GRM3: variants seen among roughly 807,000 people sequenced by gnomAD.
The protein encoded by GRM3 is glutamate metabotropic receptor 3.
In GRM3, 26 loss-of-function variants were observed where a neutral mutation model predicts 70.5. That is an observed-to-expected ratio of 0.37 (90% confidence interval 0.27 to 0.51). GRM3 has a LOEUF of 0.51. Among genes scored for constraint, GRM3 ranks in the 20% least tolerant of loss-of-function variants. The pLI is 0.93. For synonymous variants in GRM3, 443 were observed against 434.9 expected (o/e 1.02, Z -0.23); for missense variants, 859 against 1,123.8 (o/e 0.76, Z 3.37).
chr7:86,701,831 T>C (rs548989769), intron 1 of GRM3, among the ~76,000 whole-genome samples: 3 of 152,132 alleles, frequency 2.0e-5, no homozygotes, highest in South Asian at 2.1e-4. Context: ...ATTCATTTTA[T>C]GTAAAACTGA....
intron 2 of GRM3, among the ~76,000 whole-genome samples, chr7:86,773,463 T>G (rs1796797890): frequency 1.3e-5 from 2 of 152,036 alleles, no homozygotes; most frequent in Admixed American, 6.6e-5. Context: ...CAAGTTTTTA[T>G]CACTTTACAA....
Position 86,839,500 on chromosome 7 carries a change from G to A in GRM3, c.1986G>A (p.Lys662=), listed in dbSNP as rs1397420218. Residue 662 remains lysine (K), a synonymous_variant, in exon 4 of 6, where the codon AAG becomes AAA. Transcript: ENST00000361669. The surrounding 1 kb of genome is among the most constrained non-coding windows in gnomAD (Gnocchi z 4.5). ...TCTGTTACTCAGCCCTGCTGACCAA[G>A]ACAAACTGCATTGCCCGCATCTTCG... ...FAICYSALLT[K]TNCIARIFDG... The A allele has an allele frequency of 6.2e-7, 1 of 1,609,396 alleles. No homozygotes were observed. The highest frequency in any genetic ancestry group is 8.5e-7 in the Non-Finnish European group (1 of 1,177,278).
intron 1 of GRM3, among the ~76,000 whole-genome samples, chr7:86,724,302 A>G (rs1283274488): frequency 6.6e-6 from 1 of 152,144 alleles, no homozygotes; most frequent in Admixed American, 6.6e-5. Flanking sequence ...GGATTGTTCA[A>G]TAGGAGTGCC....
chr7:86,786,138 A>C lies in GRM3; in HGVS notation c.469-123A>C. 1 of 803,552 alleles carries C rather than the reference A, an allele frequency of 1.2e-6. No homozygotes were observed. Among genetic ancestry groups the C allele is most frequent in the Non-Finnish European group, 2.0e-6 (1 of 495,028 alleles). 49.8% of individuals were successfully genotyped at this position (803,552 alleles called of 1,614,324 possible). ...ATTCATCTCAAGAACTAACAGAAAA[A>C]TGTAGCCATCTAGAGTAGAGGGAAA... On this transcript the variant is annotated intron_variant, in intron 2 of 5. Coordinates refer to ENST00000361669, the MANE Select transcript of GRM3 (RefSeq NM_000840.3). This position sits in a 1 kb window ranked among gnomAD's most constrained non-coding sequence, Gnocchi z 6.0.
At chr7:86,675,328 T>C (rs1308307684) in intron 1 of GRM3, among the ~76,000 whole-genome samples, 1 of 152,102 alleles carries the variant, frequency 6.6e-6, no homozygotes, top group East Asian at 1.9e-4. Flanking sequence ...TGATAAGCTA[T>C]GCTTAAGTTA....
intron 5 of GRM3, among the ~76,000 whole-genome samples, chr7:86,857,724 G>A (rs879618914): frequency 6.6e-6 from 1 of 152,124 alleles, no homozygotes; most frequent in Non-Finnish European, 1.5e-5. Flanking sequence ...GAGCCTCAGG[G>A]TGAAAAAGTT....
In GRM3 at chr7:86,735,319, T is replaced by C. The variant is rs144498297; in HGVS notation, c.-140-29687T>C. Among the ~76,000 whole-genome samples the C allele has an allele frequency of 2.3e-3, 352 of 152,252 alleles. 3 individuals are homozygous for C. Among genetic ancestry groups the C allele is most frequent in the African/African-American group, 8.1e-3 (338 of 41,550 alleles). On this transcript the variant is annotated intron_variant, in intron 1 of 5. Coordinates refer to ENST00000361669, the MANE Select transcript of GRM3 (RefSeq NM_000840.3). ...CAAAACATTTGTTCTAGACCTCACATAGAATTTGTAAAATCAAGTAGAAAT... is the reference window on the plus strand; with the variant it reads ...CAAAACATTTGTTCTAGACCTCACACAGAATTTGTAAAATCAAGTAGAAAT...
In GRM3 at chr7:86,686,670, T is replaced by G. The variant is rs537742919; in HGVS notation, c.-141+41798T>G. On this transcript the variant is annotated intron_variant, in intron 1 of 5. Coordinates refer to ENST00000361669, the MANE Select transcript of GRM3 (RefSeq NM_000840.3). ...CAAGATAAAGCATTACTGCTATAGC[T>G]GACAAAAAACAAAACAAAACAAAAA... Among the ~76,000 whole-genome samples the G allele has an allele frequency of 2.9e-3, 437 of 152,220 alleles. 3 individuals carry two copies. Among genetic ancestry groups the G allele is most frequent in the Non-Finnish European group, 4.6e-3 (312 of 68,008 alleles).
intron 5 of GRM3, among the ~76,000 whole-genome samples, chr7:86,851,233 C>A (rs1798749707): frequency 6.6e-6 from 1 of 152,150 alleles, no homozygotes; most frequent in Non-Finnish European, 1.5e-5. Flanking sequence ...CCTCCTACTT[C>A]AATGACACAA....
chr7:86,853,823 C>T (rs1047862622), intron 5 of GRM3, among the ~76,000 whole-genome samples: 1 of 152,188 alleles, frequency 6.6e-6, no homozygotes, highest in Admixed American at 6.6e-5. Context: ...GGAATTCAGA[C>T]AGGGCTTGGT....
chr7:86,727,833 C>G (rs528264862), intron 1 of GRM3, among the ~76,000 whole-genome samples: 1 of 152,234 alleles, frequency 6.6e-6, no homozygotes, highest in African/African-American at 2.4e-5. Flanking sequence ...TTTACACAAA[C>G]TTGTAATGGA....
chr7:86,650,160 A>C (rs1202974473), intron 1 of GRM3, among the ~76,000 whole-genome samples: 1 of 152,144 alleles, frequency 6.6e-6, no homozygotes, highest in African/African-American at 2.4e-5. Context: ...TCTGCTATAC[A>C]AGAACTATAC....
At chr7:86,659,322 T>A (rs1395740194) in intron 1 of GRM3, among the ~76,000 whole-genome samples, 1 of 152,330 alleles carries the variant, frequency 6.6e-6, no homozygotes, top group East Asian at 1.9e-4. Flanking sequence ...AATGTTTACA[T>A]ATGCCAGGCA....
chr7:86,738,221 G>A (rs996177907), intron 1 of GRM3, among the ~76,000 whole-genome samples: 2 of 152,102 alleles, frequency 1.3e-5, no homozygotes, highest in Non-Finnish European at 2.9e-5. Context: ...TCCCCTCTTC[G>A]ACTAACTCCT....
intron 1 of GRM3, among the ~76,000 whole-genome samples, chr7:86,755,592 A>C (rs1796326308): frequency 6.6e-6 from 1 of 152,120 alleles, no homozygotes; most frequent in Non-Finnish European, 1.5e-5. Flanking sequence ...GGAAATATTT[A>C]AATATTTTAA....
At chr7:86,846,165 G>A (rs546205718) in intron 4 of GRM3, among the ~76,000 whole-genome samples, 7 of 152,174 alleles carry the variant, frequency 4.6e-5, no homozygotes, top group East Asian at 3.9e-4. Context: ...GTGAGTAAGC[G>A]CCCAAATACA....
chr7:86,778,065 T>A (rs1028241580), intron 2 of GRM3, among the ~76,000 whole-genome samples: 7 of 152,144 alleles, frequency 4.6e-5, no homozygotes, highest in African/African-American at 1.7e-4. Context: ...GACAAAGCAA[T>A]TAAAGGTGTA....
rs772660724 is a variant in GRM3, at chr7:86,765,623, G to A, written c.468+10G>A. 3 of 1,603,912 alleles carry A rather than the reference G, an allele frequency of 1.9e-6. No homozygotes were observed. Among genetic ancestry groups the A allele is most frequent in the Middle Eastern group, 1.7e-4 (1 of 5,998 alleles). ...CAGTGTTTCCATACAGGTAAGATTG[G>A]CTAATGCTATTGCTAAAAGGCTGTA... On this transcript the variant is annotated intron_variant, in intron 2 of 5. Coordinates refer to ENST00000361669, the MANE Select transcript of GRM3 (RefSeq NM_000840.3).
chr7:86,852,577 CTTGTTAATAAAATTA>C (rs1226218576), intron 5 of GRM3, among the ~76,000 whole-genome samples: 2 of 152,124 alleles, frequency 1.3e-5, no homozygotes, highest in Admixed American at 1.3e-4. Context: ...GTTGGAATGT[CTTGTTAATAAAATTA>C]TAAATAAACT....
Sources: gnomAD v4.1 joint callset for allele counts (sites outside exome capture counted in the v4.1 genomes callset) on GRCh38, gnomAD v4.1.1 for gene constraint, Gnocchi (gnomAD v3.1) non-coding constraint, MANE v1.5 for transcripts, NCBI Gene and HGNC (gene_info 2026-07-23, HGNC 2026-07-21) for gene names.